The following RBFOX1 variants were observed in gnomAD, a reference collection of about 807,000 sequenced individuals.
RBFOX1 encodes the protein RNA binding protein fox-1 homolog 1.
In RBFOX1, 8 loss-of-function variants were observed where a neutral mutation model predicts 57.7. The ratio of observed to expected loss-of-function variants is 0.14; its 90% CI spans 0.08 to 0.25. The LOEUF (loss-of-function observed/expected upper bound fraction) is 0.25. Among genes scored for constraint, RBFOX1 ranks in the 10% least tolerant of loss-of-function variants. The pLI, the probability that RBFOX1 is intolerant of heterozygous loss-of-function variation, is 1.00. For synonymous variants in RBFOX1, 326 were observed against 222.4 expected (o/e 1.47, Z -4.15); for missense variants, 611 against 548.5 (o/e 1.11, Z -1.14).
intron 4 of RBFOX1, among the ~76,000 whole-genome samples, chr16:5,953,230 G>A (rs1196525900): frequency 6.6e-6 from 1 of 152,176 alleles, no homozygotes; most frequent in Non-Finnish European, 1.5e-5. Context: ...TTGCCCCTCA[G>A]ATAAGGCCAT....
Position 6,141,966 on chromosome 16 carries a change from G to A in RBFOX1, c.-127+121974G>A, listed in dbSNP as rs376201763. ...CCCAGCTGCTCGGGAGGCTGAGGCA[G>A]AAGAATGGTTTCAACCTGGGAGGTG... On this transcript the variant is annotated intron_variant, in intron 1 of 15. Transcript: ENST00000550418. 1.8e-4 allele frequency among the ~76,000 whole-genome samples: 28 copies of A among 151,676 alleles called. No homozygotes were observed. In the East Asian group the frequency reaches 5.5e-3, roughly 30 times the overall value.
chr16:6,690,610 A>G (rs1420844553), intron 3 of RBFOX1, among the ~76,000 whole-genome samples: 1 of 152,112 alleles, frequency 6.6e-6, no homozygotes, highest in East Asian at 1.9e-4. Flanking sequence ...AGTAAGACCA[A>G]GCAGGGATTG....
chr16:5,858,962 C>A (rs779338358), intron 3 of RBFOX1, among the ~76,000 whole-genome samples: 3 of 152,166 alleles, frequency 2.0e-5, no homozygotes, highest in Non-Finnish European at 4.4e-5. Context: ...CGCCTGTAAT[C>A]CCAGCCCTTT....
At chr16:5,913,597 G>GT (rs1159790696) in intron 4 of RBFOX1, among the ~76,000 whole-genome samples, 1 of 152,190 alleles carries the variant, frequency 6.6e-6, no homozygotes, top group Non-Finnish European at 1.5e-5. Context: ...AGCCATGCTT[G>GT]TACAGCCTGA....
chr16:7,218,659 T>TGTGTGC (rs1475592066), intron 4 of RBFOX1, among the ~76,000 whole-genome samples: 1 of 149,772 alleles, frequency 6.7e-6, no homozygotes, highest in Non-Finnish European at 1.5e-5. Context: ...TGTGTGTGTG[T>TGTGTGC]GTGTGTGTGT....
At chr16:7,056,824 C>G (rs905953525) in intron 4 of RBFOX1, among the ~76,000 whole-genome samples, 1 of 152,146 alleles carries the variant, frequency 6.6e-6, no homozygotes, top group South Asian at 2.1e-4. Flanking sequence ...GATTCAAATA[C>G]TGATCTGCAA....
chr16:7,435,425 G>C (rs1185757192), intron 4 of RBFOX1, among the ~76,000 whole-genome samples: 1 of 151,998 alleles, frequency 6.6e-6, no homozygotes, highest in Non-Finnish European at 1.5e-5. Flanking sequence ...GTTCACCTTG[G>C]TCATCTGGCT....
intron 4 of RBFOX1, among the ~76,000 whole-genome samples, chr16:7,098,806 A>C (rs1417244239): frequency 6.6e-6 from 1 of 152,244 alleles, no homozygotes; most frequent in East Asian, 1.9e-4. Context: ...AAATAAATAA[A>C]TAATAATTAA....
intron 2 of RBFOX1, among the ~76,000 whole-genome samples, chr16:6,543,835 A>C (rs1014562954): frequency 3.3e-5 from 5 of 152,240 alleles, no homozygotes; most frequent in Admixed American, 2.6e-4. Flanking sequence ...ACATCTTTCC[A>C]GATACACCTG....
At chr16:5,595,733 C>G (rs1478211435) in intron 2 of RBFOX1, among the ~76,000 whole-genome samples, 1 of 152,148 alleles carries the variant, frequency 6.6e-6, no homozygotes, top group African/African-American at 2.4e-5. Flanking sequence ...CCAACTCAGT[C>G]AGACTTAGAA....
intron 4 of RBFOX1, among the ~76,000 whole-genome samples, chr16:7,266,834 G>C (rs186187652): frequency 6.6e-6 from 1 of 152,156 alleles, no homozygotes; most frequent in Non-Finnish European, 1.5e-5. Context: ...TACAAGTTTG[G>C]AAACTGTTTT....
At chr16:7,627,796 G>C (rs530215727) in intron 10 of RBFOX1, among the ~76,000 whole-genome samples, 68 of 152,216 alleles carry the variant, frequency 4.5e-4, no homozygotes, top group African/African-American at 1.6e-3. Flanking sequence ...AAGCACTAAG[G>C]GAACATACAG....
intron 3 of RBFOX1, among the ~76,000 whole-genome samples, chr16:7,030,954 T>G (rs2042636310): frequency 6.6e-6 from 1 of 152,200 alleles, no homozygotes; most frequent in Non-Finnish European, 1.5e-5. Context: ...GGAAATAAAA[T>G]GATCAAGAAA....
At chr16:6,479,351 G>T (rs115274518) in intron 2 of RBFOX1, among the ~76,000 whole-genome samples, 3,854 of 152,220 alleles carry the variant, frequency 0.025, 151 homozygotes, top group African/African-American at 0.083. Flanking sequence ...ATCTCAGGAC[G>T]CTGAGGCAGG....
chr16:5,304,393 T>C (rs1456881447), intron 1 of RBFOX1, among the ~76,000 whole-genome samples: 4 of 152,202 alleles, frequency 2.6e-5, no homozygotes, highest in Non-Finnish European at 5.9e-5. Flanking sequence ...ATATGGGCCT[T>C]GGAAGAGCTC....
chr16:5,719,982 C>T (rs1287339458), intron 3 of RBFOX1, among the ~76,000 whole-genome samples: 1 of 151,914 alleles, frequency 6.6e-6, no homozygotes, highest in Non-Finnish European at 1.5e-5. Context: ...ATTTGAGGAA[C>T]CACCAATCTG....
At chr16:5,885,170 G>A (rs2057868218) in intron 4 of RBFOX1, among the ~76,000 whole-genome samples, 3 of 152,044 alleles carry the variant, frequency 2.0e-5, no homozygotes, top group Admixed American at 2.0e-4. Context: ...GGTTTACCAC[G>A]CTGTTGCAGG....
At chr16:7,313,452 T>C (rs769905269) in intron 4 of RBFOX1, among the ~76,000 whole-genome samples, 120 of 145,586 alleles carry the variant, frequency 8.2e-4, no homozygotes, top group Non-Finnish European at 1.2e-3. Context: ...TCTTCTTTTT[T>C]ATCTTTTTTT....
intron 3 of RBFOX1, among the ~76,000 whole-genome samples, chr16:5,841,942 C>G (rs1326838205): frequency 6.6e-6 from 1 of 152,232 alleles, no homozygotes; most frequent in East Asian, 1.9e-4. Flanking sequence ...GGTCTTTGCT[C>G]TAGGTAGACG....
Sources: allele counts gnomAD v4.1 joint callset (sites outside exome capture counted in the v4.1 genomes callset), GRCh38; gene constraint gnomAD v4.1.1; transcripts MANE v1.5; gene names NCBI Gene and HGNC (gene_info 2026-07-23, HGNC 2026-07-21).